The following FBXW12 variants were observed in gnomAD, a reference collection of about 807,000 sequenced individuals.
FBXW12 encodes the protein F-box and WD repeat domain containing 12.
A neutral mutation model predicts 55.3 loss-of-function variants in FBXW12; 43 were observed. The ratio of observed to expected loss-of-function variants is 0.78; its 90% confidence interval spans 0.61 to 1.00. The LOEUF (loss-of-function observed/expected upper bound fraction) is 1.00. FBXW12 is among the 50% of genes least tolerant of loss of function. The probability of loss-of-function intolerance (pLI) is 0.00; values close to 1 mark genes in which losing one functional copy is unlikely to be tolerated. For missense variants in FBXW12, 524 were observed against 560.5 expected (o/e 0.93, Z 0.66); for synonymous variants, 184 against 203.8 (o/e 0.90, Z 0.83).
chr3:48,385,338 T>TTGTGTGTGTG (rs60689779), intron 10 of FBXW12, among the ~76,000 whole-genome samples: 37 of 148,882 alleles, frequency 2.5e-4, no homozygotes, highest in African/African-American at 6.2e-4. Context: ...TGGTATTCCA[T>TTGTGTGTGTG]TGTGTGTGTG....
rs1174830999 is a variant in FBXW12, at chr3:48,381,887, G to T, written c.1164+9G>T. ...TCAACAACTTCTGGGTGGTATGTAT[G>T]ATTCTCCTCCACTGCTTTTTGATCT... is the stretch of plus-strand genomic sequence containing the variant. On this transcript the variant is annotated intron_variant, in intron 9 of 10. Transcript: ENST00000296438. The T allele has an allele frequency of 6.2e-7, 1 of 1,610,374 alleles. No individual in the cohort carries two copies. The highest frequency in any genetic ancestry group is 1.3e-5 in the African/African-American group (1 of 74,972).
At chr3:48,384,640 T>C (rs954720167) in intron 10 of FBXW12, among the ~76,000 whole-genome samples, 2 of 152,184 alleles carry the variant, frequency 1.3e-5, no homozygotes, top group African/African-American at 2.4e-5. Context: ...TCACTGTATG[T>C]TTTTGTAGAT....
chr3:48,392,021 T>TA (rs10709535), intron 10 of FBXW12, among the ~76,000 whole-genome samples: 3,654 of 151,830 alleles, frequency 0.024, 158 homozygotes, highest in African/African-American at 0.083. Context: ...ACTTTTGTTT[T>TA]AAAAAAAAAT....
chr3:48,373,410 G>A (rs2036632212), intron 3 of FBXW12, 65 bp downstream of exon 3: 1 of 1,613,506 alleles, frequency 6.2e-7, no homozygotes, highest in African/African-American at 1.3e-5. Flanking sequence ...CACCCATGCT[G>A]TGTCCCAAGG....
At chr3:48,394,533 C>T (rs1446633101) in intron 10 of FBXW12, 27 bp from the exon 11 acceptor site, 2 of 1,337,932 alleles carry the variant, frequency 1.5e-6, no homozygotes, top group Admixed American at 1.8e-5. Flanking sequence ...CTTTTGTTCA[C>T]TGATGATCTT....
chr3:48,391,388 T>C (rs553524119), intron 10 of FBXW12, among the ~76,000 whole-genome samples: 23 of 151,670 alleles, frequency 1.5e-4, no homozygotes, highest in Non-Finnish European at 2.5e-4. Context: ...ATTGTCATAT[T>C]GTCCACAAAT....
chr3:48,374,764 CT>C (rs66751439), intron 4 of FBXW12, among the ~76,000 whole-genome samples: 300 of 82,668 alleles, frequency 3.6e-3, no homozygotes, highest in African/African-American at 0.014. Context: ...CCTGATAACA[CT>C]TTTTTTTTTT....
intron 10 of FBXW12, among the ~76,000 whole-genome samples, chr3:48,387,725 A>T (rs943813071): frequency 5.8e-4 from 88 of 151,960 alleles, no homozygotes; most frequent in African/African-American, 2.0e-3. Context: ...TTTTTTAATT[A>T]ATTAATTTAT....
chr3:48,392,399 TGA>T (rs1423724068), intron 10 of FBXW12, among the ~76,000 whole-genome samples: 1 of 131,178 alleles, frequency 7.6e-6, no homozygotes, highest in Admixed American at 1.0e-4. Flanking sequence ...TGCAGTGAGC[TGA>T]GATTGTGCCA....
chr3:48,389,546 T>C (rs1005783352), intron 10 of FBXW12, among the ~76,000 whole-genome samples: 2 of 152,064 alleles, frequency 1.3e-5, no homozygotes, highest in African/African-American at 2.4e-5. Flanking sequence ...ACCTAGCTAA[T>C]TGTATTTTTA....
chr3:48,388,718 T>C (rs2106651522), intron 10 of FBXW12, among the ~76,000 whole-genome samples: 1 of 152,310 alleles, frequency 6.6e-6, no homozygotes, highest in East Asian at 1.9e-4. Flanking sequence ...ATCTGTCTTT[T>C]AAGTTTAAGT....
At chr3:48,380,493 T>C (rs2036750055) in intron 7 of FBXW12, among the ~76,000 whole-genome samples, 2 of 152,186 alleles carry the variant, frequency 1.3e-5, no homozygotes, top group African/African-American at 4.8e-5. Context: ...TTCAGGGACA[T>C]TGTTCTGTGA....
At chr3:48,386,511 T>C (rs938052243) in intron 10 of FBXW12, among the ~76,000 whole-genome samples, 2 of 152,238 alleles carry the variant, frequency 1.3e-5, no homozygotes, top group African/African-American at 4.8e-5. Flanking sequence ...GATTGCTTTT[T>C]CTATTTCTGT....
At chr3:48,392,835 T>C (rs1473724938) in intron 10 of FBXW12, among the ~76,000 whole-genome samples, 1 of 152,208 alleles carries the variant, frequency 6.6e-6, no homozygotes, top group Non-Finnish European at 1.5e-5. Context: ...TTTTTAATTC[T>C]CAGAAATTTG....
chr3:48,377,816 TATATG>T (rs2036706386), intron 5 of FBXW12, among the ~76,000 whole-genome samples: 1 of 152,368 alleles, frequency 6.6e-6, no homozygotes, highest in Admixed American at 6.5e-5. Flanking sequence ...GCTCTTTTCT[TATATG>T]ATATACTTTA....
In FBXW12 at chr3:48,373,298, T is replaced by C; in HGVS notation, c.91-10T>C. The C allele has an allele frequency of 1.2e-6, 2 of 1,613,986 alleles. No homozygotes were observed. The highest frequency in any genetic ancestry group is 1.7e-6 in the Non-Finnish European group (2 of 1,180,002). The stretch of plus-strand genomic sequence containing the variant: ...GATTGCCTGCTTGTCTCTTCCTTTC[T>C]CTCCCATAGCATTGGAATAGGATTG... On this transcript the variant is annotated splice_polypyrimidine_tract_variant and intron_variant, in intron 2 of 10. Transcript: ENST00000296438.
chr3:48,377,388 G>A (rs1183451855), intron 5 of FBXW12, among the ~76,000 whole-genome samples: 1 of 152,172 alleles, frequency 6.6e-6, no homozygotes, highest in Non-Finnish European at 1.5e-5. Flanking sequence ...TGTTATGAGA[G>A]CTCTCAAGCA....
rs982811903 is a variant in FBXW12 at position 48,394,488 on chromosome 3, T to C, written c.1296-72T>C. 4.7e-6 allele frequency: 4 copies of C among 850,612 alleles called. No homozygotes were observed. The African/African-American group carries it at 5.1e-5, about 11-fold the overall frequency. The allele number at this position is 850,612 out of a possible 1,614,324, so 52.7% of individuals were successfully genotyped here. On this transcript the variant is annotated intron_variant, in intron 10 of 10. Coordinates refer to ENST00000296438, the MANE Select transcript of FBXW12 (RefSeq NM_207102.2). The stretch of plus-strand genomic sequence containing the variant: ...AAGTATTGATATCTTAGTCAAGTTC[T>C]AAGTCAGTATTAACAATGGATGTAC...
chr3:48,386,442 T>C (rs565708212), intron 10 of FBXW12, among the ~76,000 whole-genome samples: 1 of 152,362 alleles, frequency 6.6e-6, no homozygotes, highest in South Asian at 2.1e-4. Context: ...TCCAGCTTTA[T>C]TCTTTCTCAA....
Sources: allele counts gnomAD v4.1 joint callset (sites outside exome capture counted in the v4.1 genomes callset), GRCh38; gene constraint gnomAD v4.1.1; transcripts MANE v1.5; gene names NCBI Gene and HGNC (gene_info 2026-07-23, HGNC 2026-07-21).